SLC25A26: variants seen among roughly 807,000 people sequenced by gnomAD.
SLC25A26 encodes the protein solute carrier family 25 member 26.
Under a neutral mutation model 37.8 loss-of-function variants are expected in SLC25A26, and 36 were observed. The ratio of observed to expected loss-of-function variants is 0.95; its 90% CI spans 0.73 to 1.26. The LOEUF (loss-of-function observed/expected upper bound fraction) is 1.26, where lower values mean the gene tolerates loss of function less well. Ranked by LOEUF, SLC25A26 falls within the 50% of genes most tolerant of loss-of-function variation. The pLI is 0.00. For synonymous variants in SLC25A26, 129 were observed against 122.5 expected, an observed-to-expected ratio of 1.05 and a Z score of -0.35; for missense variants, 390 against 331.1, an observed-to-expected ratio of 1.18 and a Z score of -1.38.
chr3:66,198,579 A>T (rs893174104), intron 1 of SLC25A26, among the ~76,000 whole-genome samples: 45 of 150,248 alleles, frequency 3.0e-4, no homozygotes, highest in African/African-American at 1.1e-3. Flanking sequence ...TCCCACCCAC[A>T]CCCTCTACAT....
At chr3:66,171,032 T>C (rs184594532) in intron 1 of SLC25A26, among the ~76,000 whole-genome samples, 36 of 151,764 alleles carry the variant, frequency 2.4e-4, no homozygotes, top group African/African-American at 7.0e-4. Context: ...CTCGATCTCC[T>C]GACCTCGTGA....
chr3:66,370,035 CAAAA>C (rs893769138), intron 8 of SLC25A26, among the ~76,000 whole-genome samples: 1 of 152,082 alleles, frequency 6.6e-6, no homozygotes, highest in African/African-American at 2.4e-5. Context: ...TGAACCAAAA[CAAAA>C]AAGTCCTATC....
chr3:66,200,644 C>G (rs980962612), intron 1 of SLC25A26, among the ~76,000 whole-genome samples: 22 of 152,146 alleles, frequency 1.4e-4, no homozygotes, highest in African/African-American at 5.3e-4. Flanking sequence ...TTCATGGTCT[C>G]CCACAGAAGA....
intron 1 of SLC25A26, among the ~76,000 whole-genome samples, chr3:66,165,373 T>C (rs1330926450): frequency 6.6e-6 from 1 of 152,212 alleles, no homozygotes; most frequent in Non-Finnish European, 1.5e-5. Context: ...AACTATGAGA[T>C]AATACAGATC....
intron 5 of SLC25A26, among the ~76,000 whole-genome samples, chr3:66,278,633 A>G (rs935948770): frequency 2.0e-5 from 3 of 152,148 alleles, no homozygotes; most frequent in Admixed American, 6.5e-5. Flanking sequence ...CATTCCAGTT[A>G]TATAAATTTC....
chr3:66,275,109 G>A (rs940885694), intron 5 of SLC25A26, among the ~76,000 whole-genome samples: 1 of 151,946 alleles, frequency 6.6e-6, no homozygotes, highest in Non-Finnish European at 1.5e-5. Context: ...TAGGGACATG[G>A]ATGAAATTGG....
intron 2 of SLC25A26, among the ~76,000 whole-genome samples, chr3:66,240,255 C>G (rs554869687): frequency 5.3e-5 from 8 of 152,228 alleles, no homozygotes; most frequent in African/African-American, 1.4e-4. Context: ...ATAGTATGTG[C>G]TACAGTTAAT....
intron 3 of SLC25A26, among the ~76,000 whole-genome samples, chr3:66,251,380 T>C (rs1335482813): frequency 6.6e-6 from 1 of 152,184 alleles, no homozygotes; most frequent in Non-Finnish European, 1.5e-5. Flanking sequence ...ATGATCATTC[T>C]TTCAGGAGCC....
In SLC25A26 at chr3:66,236,530, T is replaced by C; in HGVS notation, c.34-14T>C. The C allele has an allele frequency of 2.8e-6, 4 of 1,405,334 alleles. No individual in the cohort carries two copies. The highest frequency in any genetic ancestry group is 3.7e-6 in the Non-Finnish European group (4 of 1,070,272). The allele number at this position is 1,405,334 out of a possible 1,614,324, so 87.1% of individuals were successfully genotyped here. The stretch of plus-strand genomic sequence containing the variant: ...CTTTTTTTTTTCTTTTTCTTCCCTC[T>C]TTTTTTTTCAAAGGCTGGTGGGGTA... On this transcript the variant is annotated splice_polypyrimidine_tract_variant and intron_variant, in intron 1 of 9. Transcript: ENST00000354883.
rs541618905 is a variant in SLC25A26, at chr3:66,253,265, G to T, written c.301-8786G>T. 2.6e-5 allele frequency among the ~76,000 whole-genome samples: 4 copies of T among 151,808 alleles called. No homozygotes were observed. The South Asian group carries it at 8.4e-4, about 32-fold the overall frequency. The stretch of plus-strand genomic sequence containing the variant: ...TAAAAAAAAAAGCAAAAAAAAGTTA[G>T]TCGGGCATGGTGGTGGACGCCTGTA... On this transcript the variant is annotated intron_variant, in intron 3 of 9. Transcript: ENST00000354883.
In SLC25A26 at chr3:66,243,302, C is replaced by T; in HGVS notation, c.290C>T (p.Ala97Val). The part of the protein sequence containing the change: ...TPMKHMLAAS[A>V]GEVVACLIRV... ...ATGAAACATATGTTGGCTGCCTCTG[C>T]TGGAGAAGTGGTAAGTAACAAGTTT... The change falls in exon 3 of 10, where the codon GCT (alanine) becomes GTT (valine). Residue 97 changes from alanine to valine, a missense_variant. Transcript: ENST00000354883. 1 of 1,589,812 alleles carries T rather than the reference C, an allele frequency of 6.3e-7. No homozygotes were observed. The highest frequency in any genetic ancestry group is 8.6e-7 in the Non-Finnish European group (1 of 1,161,704).
At chr3:66,376,865 A>T (rs571615322) in intron 9 of SLC25A26, among the ~76,000 whole-genome samples, 2 of 152,176 alleles carry the variant, frequency 1.3e-5, no homozygotes, top group Admixed American at 6.5e-5. Flanking sequence ...TGCCTTTTAG[A>T]TATGGAATCA....
At chr3:66,203,572 C>T (rs1307345593) in intron 1 of SLC25A26, among the ~76,000 whole-genome samples, 19 of 151,872 alleles carry the variant, frequency 1.3e-4, no homozygotes, top group African/African-American at 4.4e-4. Context: ...TTTGATTTTG[C>T]GTTTTTAAAT....
intron 1 of SLC25A26, among the ~76,000 whole-genome samples, chr3:66,137,633 G>C (rs2069966889): frequency 6.6e-6 from 1 of 152,086 alleles, no homozygotes; most frequent in Non-Finnish European, 1.5e-5. Flanking sequence ...AGCAGGAATG[G>C]CCTAAGACAC....
intron 2 of SLC25A26, among the ~76,000 whole-genome samples, chr3:66,241,328 C>G (rs1376037012): frequency 6.6e-6 from 1 of 152,082 alleles, no homozygotes; most frequent in Non-Finnish European, 1.5e-5. Context: ...TTGAGAACCT[C>G]TGAACTAGGG....
At chr3:66,192,483 C>T (rs1260627505) in intron 1 of SLC25A26, among the ~76,000 whole-genome samples, 5 of 152,130 alleles carry the variant, frequency 3.3e-5, no homozygotes, top group Non-Finnish European at 7.4e-5. Context: ...GCCTCCAGAA[C>T]TGTGAGAAAT....
At chr3:66,181,811 C>T (rs2070713179) in intron 1 of SLC25A26, among the ~76,000 whole-genome samples, 1 of 94,902 alleles carries the variant, frequency 1.1e-5, no homozygotes, top group African/African-American at 4.2e-5. Flanking sequence ...TTTCACCAAA[C>T]ATGTATTGAG....
intron 1 of SLC25A26, among the ~76,000 whole-genome samples, chr3:66,173,994 A>G (rs918792226): frequency 2.0e-5 from 3 of 152,038 alleles, no homozygotes; most frequent in Admixed American, 1.3e-4. Flanking sequence ...TGGAGGTTGC[A>G]GTGAGCCGAG....
chr3:66,298,120 G>C (rs1206746775), intron 5 of SLC25A26, among the ~76,000 whole-genome samples: 1 of 152,200 alleles, frequency 6.6e-6, no homozygotes, highest in East Asian at 1.9e-4. Context: ...GTGAGGCCCA[G>C]AATTTGTGTT....
Sources: gnomAD v4.1 joint callset for allele counts (sites outside exome capture counted in the v4.1 genomes callset) on GRCh38, gnomAD v4.1.1 for gene constraint, MANE v1.5 for transcripts, NCBI Gene and HGNC (gene_info 2026-07-23, HGNC 2026-07-21) for gene names.